The following CCDC102B variants were observed in gnomAD, a reference collection of about 807,000 sequenced individuals.
CCDC102B encodes the protein coiled-coil domain containing 102B.
CCDC102B carries 75 observed loss-of-function variants against 57.4 expected under a neutral mutation model. The observed-to-expected ratio is 1.31, with a 90% CI of 1.08 to 1.58. The LOEUF is 1.58. Ranked by LOEUF, CCDC102B falls within the 40% of genes most tolerant of loss-of-function variation. The pLI is 0.00. For missense variants in CCDC102B, 636 were observed against 582.6 expected (o/e 1.09, Z -0.94); for synonymous variants, 206 against 201.9 (o/e 1.02, Z -0.17).
chr18:68,892,288 T>C (rs979787083), intron 5 of CCDC102B, among the ~76,000 whole-genome samples: 12 of 152,170 alleles, frequency 7.9e-5, no homozygotes, highest in African/African-American at 2.9e-4. Flanking sequence ...TCTCCTTTAT[T>C]ACATTTCTGA....
intron 2 of CCDC102B, among the ~76,000 whole-genome samples, chr18:68,724,532 G>A (rs192991851): frequency 7.9e-5 from 12 of 152,246 alleles, no homozygotes; most frequent in Middle Eastern, 3.4e-3. Context: ...GATCTTTAGC[G>A]CAGGGGCAAA....
chr18:68,773,523 A>G (rs919188219), intron 2 of CCDC102B, among the ~76,000 whole-genome samples: 11 of 152,006 alleles, frequency 7.2e-5, no homozygotes, highest in Admixed American at 2.6e-4. Context: ...GTTATATTGT[A>G]CCCTAATATA....
intron 2 of CCDC102B, among the ~76,000 whole-genome samples, chr18:68,738,993 C>CTTTTTTTTT (rs201214278): frequency 0.01 from 1,447 of 144,672 alleles, 53 homozygotes; most frequent in African/African-American, 0.017. Flanking sequence ...GATGAGCAGC[C>CTTTTTTTTT]TTTTGTTTTT....
At chr18:68,814,845 ATATT>A (rs947042561) in intron 1 of CCDC102B, among the ~76,000 whole-genome samples, 7 of 152,112 alleles carry the variant, frequency 4.6e-5, no homozygotes, top group Non-Finnish European at 2.9e-5. Context: ...CAATATGTTT[ATATT>A]TAAAGGCCAA....
intron 5 of CCDC102B, among the ~76,000 whole-genome samples, chr18:68,895,919 T>C (rs1396589062): frequency 6.6e-6 from 1 of 151,970 alleles, no homozygotes; most frequent in East Asian, 1.9e-4. Flanking sequence ...TGCCTAAATA[T>C]ATGAGAGAAA....
At chr18:68,985,407 T>A (rs2050698950) in intron 6 of CCDC102B, among the ~76,000 whole-genome samples, 1 of 152,152 alleles carries the variant, frequency 6.6e-6, no homozygotes, top group Admixed American at 6.6e-5. Flanking sequence ...TCTGTATTTG[T>A]CAGTGTCCAT....
At chr18:69,001,847 T>C (rs989764970) in intron 6 of CCDC102B, among the ~76,000 whole-genome samples, 4 of 152,228 alleles carry the variant, frequency 2.6e-5, no homozygotes, top group Non-Finnish European at 5.9e-5. Flanking sequence ...TAGACATTCA[T>C]AGTTGATTAA....
intron 6 of CCDC102B, among the ~76,000 whole-genome samples, chr18:68,953,648 G>T (rs1599743503): frequency 6.6e-6 from 1 of 151,602 alleles, no homozygotes; most frequent in East Asian, 1.9e-4. Flanking sequence ...ATAATTTCTA[G>T]ATATATGCTT....
rs10652625 is a variant in CCDC102B, at chr18:68,778,881, G to GAAAA, written c.-66-44473_-66-44470dup. Among the ~76,000 whole-genome samples, 233 of 133,094 alleles carry GAAAA rather than the reference G, an allele frequency of 1.8e-3. 2 individuals are homozygous for GAAAA. The East Asian group carries it at 0.045, about 26-fold the overall frequency. The allele number at this position is 133,094 out of a possible 152,430, so 87.3% of individuals were successfully genotyped here. ...ACAATGATGAAAAGGAAGAAAACCA[G>GAAAA]AAAAAAAAAAAAAAACTGTGAAAAC... is the stretch of plus-strand genomic sequence containing the variant. On this transcript the variant is annotated intron_variant, in intron 2 of 3. Transcript: ENST00000578970.
At chr18:69,041,335 C>T (rs1004060489) in intron 7 of CCDC102B, among the ~76,000 whole-genome samples, 9 of 152,030 alleles carry the variant, frequency 5.9e-5, no homozygotes, top group African/African-American at 2.2e-4. Flanking sequence ...TTACCAGTTC[C>T]CCTTATAGTT....
In CCDC102B at chr18:68,790,696, G is replaced by A. The variant is rs1242721977; in HGVS notation, c.-66-32670G>A. On this transcript the variant is annotated intron_variant, in intron 2 of 3. Coordinates refer to the CCDC102B transcript ENST00000578970. Reference sequence around the variant, plus strand: ...CCTCGCCCTGCTTCGGCTCGTGCACGGTGCGCGCACCCACTGACCTGCGCC... The same window carrying A: ...CCTCGCCCTGCTTCGGCTCGTGCACAGTGCGCGCACCCACTGACCTGCGCC... Among the ~76,000 whole-genome samples, 3 of 152,030 alleles carry A rather than the reference G, an allele frequency of 2.0e-5. No homozygotes were observed. The East Asian group carries it at 5.8e-4, about 29-fold the overall frequency.
intron 1 of CCDC102B, among the ~76,000 whole-genome samples, chr18:68,836,426 G>A (rs935866893): frequency 3.3e-5 from 5 of 151,878 alleles, no homozygotes; most frequent in African/African-American, 1.2e-4. Context: ...TCAGGAGATC[G>A]AGACCATCCT....
At chr18:68,793,556 CATT>C (rs2035532933), upstream of CCDC102B, among the ~76,000 whole-genome samples, 2 of 151,786 alleles carry the variant, frequency 1.3e-5, no homozygotes. Context: ...GATTCTGAGA[CATT>C]ATTTTTATTT....
rs535797875 is a variant in CCDC102B, at chr18:68,821,721, A to G, written c.-15-15028A>G. ...TATATATATATGTATGTATATACAC[A>G]TATATGTATTTTTTCTATGGAGAAA... On this transcript the variant is annotated intron_variant, in intron 1 of 7. Coordinates refer to ENST00000360242, the MANE Select transcript of CCDC102B (RefSeq NM_024781.3). Among the ~76,000 whole-genome samples, 549 of 152,082 alleles carry G rather than the reference A, an allele frequency of 3.6e-3. 1 individual carries two copies. Among genetic ancestry groups the G allele is most frequent in the Middle Eastern group, 0.01 (3 of 292 alleles).
At chr18:68,719,180 A>G (rs1355615511) in intron 2 of CCDC102B, among the ~76,000 whole-genome samples, 1 of 152,256 alleles carries the variant, frequency 6.6e-6, no homozygotes, top group Non-Finnish European at 1.5e-5. Flanking sequence ...ACCATTAAAA[A>G]TGAGACCCTA....
chr18:69,055,253 A>G (rs2052796764), downstream of CCDC102B: 2 of 704,166 alleles, frequency 2.8e-6, no homozygotes, highest in Non-Finnish European at 1.7e-6. Flanking sequence ...TCTCCCAAAC[A>G]TGGGGGATTG....
intron 5 of CCDC102B, among the ~76,000 whole-genome samples, chr18:68,890,840 TTATC>T (rs2040049269): frequency 6.6e-6 from 1 of 152,294 alleles, no homozygotes; most frequent in Admixed American, 6.5e-5. Context: ...ATACTGAGAT[TTATC>T]TATTCTGTTC....
intron 2 of CCDC102B, among the ~76,000 whole-genome samples, chr18:68,736,263 A>G (rs2033124826): frequency 6.6e-6 from 1 of 152,208 alleles, no homozygotes. Context: ...AAAGTCATTA[A>G]CATTTGAATC....
intron 2 of CCDC102B, among the ~76,000 whole-genome samples, chr18:68,782,496 C>T (rs1213573851): frequency 6.6e-6 from 1 of 152,122 alleles, no homozygotes; most frequent in Admixed American, 6.6e-5. Flanking sequence ...ATTTAATTAG[C>T]TAATTGCACT....
Sources: allele counts gnomAD v4.1 joint callset (sites outside exome capture counted in the v4.1 genomes callset), GRCh38; gene constraint gnomAD v4.1.1; transcripts MANE v1.5; gene names NCBI Gene and HGNC (gene_info 2026-07-23, HGNC 2026-07-21).